MYO5B: variants seen among roughly 807,000 people sequenced by gnomAD.
MYO5B encodes the protein unconventional myosin-Vb.
In MYO5B, 143 loss-of-function variants were observed where a neutral mutation model predicts 229.3. The ratio of observed to expected loss-of-function variants is 0.62; its 90% confidence interval spans 0.54 to 0.72. The LOEUF (loss-of-function observed/expected upper bound fraction) is 0.72, where lower values mean the gene tolerates loss of function less well. MYO5B is among the 30% of genes least tolerant of loss of function. The pLI is 0.00. For missense variants in MYO5B, 2,321 were observed against 2,331.0 expected, an observed-to-expected ratio of 1.00 and a Z score of 0.09; for synonymous variants, 918 against 885.2, an observed-to-expected ratio of 1.04 and a Z score of -0.66.
At chr18:50,015,577 T>C (rs948882182) in intron 4 of MYO5B, among the ~76,000 whole-genome samples, 1 of 152,220 alleles carries the variant, frequency 6.6e-6, no homozygotes, top group African/African-American at 2.4e-5. Context: ...TCTACAGGCA[T>C]TTTCAGTTTT....
intron 1 of MYO5B, among the ~76,000 whole-genome samples, chr18:50,136,806 A>C (rs1369595158): frequency 6.6e-6 from 1 of 152,190 alleles, no homozygotes; most frequent in Non-Finnish European, 1.5e-5. Context: ...GCAAAGATGA[A>C]AGAAAACGAT....
At chr18:49,853,337 T>C (rs566610325) in intron 31 of MYO5B, 112 bp downstream of exon 31, 22 of 1,074,026 alleles carry the variant, frequency 2.0e-5, no homozygotes, top group Non-Finnish European at 3.1e-5. Flanking sequence ...CTGTTCCTAC[T>C]ATAGGGCCAA....
intron 14 of MYO5B, among the ~76,000 whole-genome samples, chr18:49,938,473 A>G (rs12457612): frequency 0.35 from 53,536 of 152,010 alleles, 10,549 homozygotes; most frequent in Middle Eastern, 0.58. Context: ...GAAAAGGAAC[A>G]TACAGGCCCC....
chr18:50,122,439 T>TAAAAAAAAAAAAAAAAAA (rs71169481), intron 1 of MYO5B, among the ~76,000 whole-genome samples: 3 of 41,888 alleles, frequency 7.2e-5, no homozygotes, highest in East Asian at 8.3e-4. Flanking sequence ...CTGTCTCAAC[T>TAAAAAAAAAAAAAAAAAA]AAAAAAAAAA....
At position 49,972,103 on chromosome 18, in the gene MYO5B, C is replaced by T. The variant is rs564405658; in HGVS notation, c.1322+2247G>A. On this transcript the variant is annotated intron_variant, in intron 10 of 39. Coordinates refer to ENST00000285039, the MANE Select transcript of MYO5B (RefSeq NM_001080467.3). ...AAGCCACTCTGAGATGAAGGAGACA[C>T]AGGTGAGGAGCTGGCACTAGGAACA... Among the ~76,000 whole-genome samples the T allele has an allele frequency of 1.4e-4, 21 of 152,252 alleles. No homozygotes were observed. The South Asian group carries it at 4.1e-3, about 30-fold the overall frequency.
At chr18:49,857,725 G>A (rs978795214) in intron 29 of MYO5B, among the ~76,000 whole-genome samples, 3 of 152,162 alleles carry the variant, frequency 2.0e-5, no homozygotes, top group Non-Finnish European at 4.4e-5. Flanking sequence ...CCCAGTGTCT[G>A]CCCCATGCCA....
At position 49,825,619 on chromosome 18, in the gene MYO5B, T is replaced by C. The variant is rs1352237640; in HGVS notation, c.*852A>G. 1.3e-5 allele frequency: 2 copies of C among 152,250 alleles called. No homozygotes were observed. The highest frequency in any genetic ancestry group is 4.8e-5 in the African/African-American group (2 of 41,470). The allele number at this position is 152,250 out of a possible 1,614,324, so 9.4% of individuals were successfully genotyped here. A position where few individuals can be genotyped will look rare whatever the true frequency, so the allele number is the denominator to read the frequency against. ...TTGACTTGTTTGGTTTTTACATCTA[T>C]AAATAAAACAAGTTTGTTATCCGTT... is the stretch of plus-strand genomic sequence containing the variant. On this transcript the variant is annotated 3_prime_UTR_variant, in exon 40 of 40. Transcript: ENST00000285039.
intron 1 of MYO5B, among the ~76,000 whole-genome samples, chr18:50,152,176 C>T (rs541598234): frequency 2.6e-5 from 4 of 152,198 alleles, no homozygotes; most frequent in African/African-American, 9.6e-5. Flanking sequence ...CTACTGATCC[C>T]GAGTCCCAAT....
At chr18:49,966,892 A>G (rs1416357560) in intron 10 of MYO5B, among the ~76,000 whole-genome samples, 1 of 152,216 alleles carries the variant, frequency 6.6e-6, no homozygotes, top group African/African-American at 2.4e-5. Flanking sequence ...AGAAAGCCAC[A>G]GTTGGGGAGA....
chr18:49,875,562 A>G, intron 26 of MYO5B, 125 bp downstream of exon 26: 1 of 1,303,808 alleles, frequency 7.7e-7, no homozygotes, highest in South Asian at 1.2e-5. Context: ...ACTAAGTAGG[A>G]GCCCTCTGAG....
At chr18:49,842,851 G>C (rs2024076386) in intron 34 of MYO5B, among the ~76,000 whole-genome samples, 1 of 152,218 alleles carries the variant, frequency 6.6e-6, no homozygotes, top group South Asian at 2.1e-4. Flanking sequence ...GAAAGGTGGA[G>C]AGGGCCCATG....
rs190866921 is a variant in MYO5B, at chr18:49,906,854, C to T, written c.2203-224G>A. Among the ~76,000 whole-genome samples the T allele has an allele frequency of 1.6e-4, 25 of 152,150 alleles. No homozygotes were observed. In the East Asian group the frequency reaches 3.9e-3, roughly 23 times the overall value. On this transcript the variant is annotated intron_variant, in intron 18 of 39. Transcript: ENST00000285039. ...GAACAAGACGCCTGCCCTCAAGGAACTGACATCATGGTGAGGGCAGACAGA... is the reference window on the plus strand; with the variant it reads ...GAACAAGACGCCTGCCCTCAAGGAATTGACATCATGGTGAGGGCAGACAGA...
intron 26 of MYO5B, among the ~76,000 whole-genome samples, chr18:49,874,770 T>C (rs1460020551): frequency 6.6e-6 from 1 of 152,166 alleles, no homozygotes; most frequent in Non-Finnish European, 1.5e-5. Context: ...GTTCAGCTGA[T>C]GATATAACCC....
At chr18:49,910,526 T>TA (rs1374335003) in intron 18 of MYO5B, among the ~76,000 whole-genome samples, 3 of 151,348 alleles carry the variant, frequency 2.0e-5, no homozygotes, top group Non-Finnish European at 4.4e-5. Flanking sequence ...TCCAGCTAAC[T>TA]ATAGCCCTTG....
At chr18:49,940,892 A>C (rs1052640713) in intron 14 of MYO5B, among the ~76,000 whole-genome samples, 3 of 152,354 alleles carry the variant, frequency 2.0e-5, no homozygotes, top group Admixed American at 1.3e-4. Flanking sequence ...ATTATGGGCT[A>C]ATCTTCTACA....
At chr18:49,887,837 A>T (rs9304387) in intron 22 of MYO5B, among the ~76,000 whole-genome samples, 6 of 151,558 alleles carry the variant, frequency 4.0e-5, no homozygotes, top group African/African-American at 1.2e-4. Context: ...TGCACCACCA[A>T]GCCCGGCTAA....
At chr18:50,152,793 AAG>A (rs1599061307) in intron 1 of MYO5B, among the ~76,000 whole-genome samples, 1 of 152,072 alleles carries the variant, frequency 6.6e-6, no homozygotes, top group East Asian at 1.9e-4. Flanking sequence ...AAAACCTACA[AAG>A]AGTAAACAAA....
At chr18:50,082,051 G>C (rs2144471601) in intron 1 of MYO5B, among the ~76,000 whole-genome samples, 1 of 152,336 alleles carries the variant, frequency 6.6e-6, no homozygotes, top group South Asian at 2.1e-4. Flanking sequence ...AGTCAGTTCA[G>C]TGCCATCTGC....
intron 5 of MYO5B, among the ~76,000 whole-genome samples, chr18:49,996,821 G>A (rs1201548763): frequency 6.6e-6 from 1 of 152,232 alleles, no homozygotes. Flanking sequence ...TAAATATAGT[G>A]TGGACAAAGG....
Sources: gnomAD v4.1 joint callset for allele counts (sites outside exome capture counted in the v4.1 genomes callset) on GRCh38, gnomAD v4.1.1 for gene constraint, MANE v1.5 for transcripts, NCBI Gene and HGNC (gene_info 2026-07-23, HGNC 2026-07-21) for gene names.